Variants in DMXL2 observed in about 807,000 individuals in gnomAD.
DMXL2 encodes Dmx like 2, also known as dmX-like protein 2.
DMXL2 carries 103 observed loss-of-function variants against 331.1 expected under a neutral mutation model. That is an observed-to-expected ratio of 0.31 (90% CI 0.27 to 0.37). The LOEUF is 0.37. Ranked by LOEUF, DMXL2 falls within the 10% of genes least tolerant of loss-of-function variation. The pLI is 1.00. For missense variants in DMXL2, 3,171 were observed against 3,642.9 expected (o/e 0.87, Z 3.33); for synonymous variants, 1,281 against 1,252.1 (o/e 1.02, Z -0.49).
rs774865945 is a variant in DMXL2 at position 51,495,086 on chromosome 15, C to T, written c.4721G>A (p.Arg1574His). 5 of 1,613,060 alleles carry T rather than the reference C, an allele frequency of 3.1e-6. No individual in the cohort carries two copies. The highest frequency in any genetic ancestry group is 2.2e-5 in the East Asian group (1 of 44,862). ...ECGLRYLLAM[R>H]LHTCLLTSLP... ...CGATGTCAAAAGGCATGTGTGTAGG[C>T]GCATAGCTAACAAGTATCTCAAACC... Residue 1574 changes from arginine to histidine, a missense_variant, in exon 19 of 44, where the codon CGC (arginine) becomes CAC (histidine). Transcript: ENST00000560891.
At chr15:51,523,642 A>C (rs1380133136) in intron 13 of DMXL2, among the ~76,000 whole-genome samples, 1 of 151,782 alleles carries the variant, frequency 6.6e-6, no homozygotes, top group Non-Finnish European at 1.5e-5. Flanking sequence ...AGACACTCAG[A>C]TGGACGAAGG....
intron 14 of DMXL2, among the ~76,000 whole-genome samples, chr15:51,516,618 T>G (rs2140669680): frequency 6.6e-6 from 1 of 152,362 alleles, no homozygotes; most frequent in Admixed American, 6.5e-5. Context: ...ACAATTCAAC[T>G]GGAGAAGAAT....
At chr15:51,573,864 G>C (rs2141117341) in intron 2 of DMXL2, among the ~76,000 whole-genome samples, 1 of 151,532 alleles carries the variant, frequency 6.6e-6, no homozygotes, top group South Asian at 2.1e-4. Flanking sequence ...ATATACATAT[G>C]GGAAAAAATC....
rs2039349617 is a variant in DMXL2, at chr15:51,453,542, C to T, written c.8696+8G>A. The T allele has an allele frequency of 3.2e-6, 5 of 1,584,002 alleles. No individual in the cohort carries two copies. Among genetic ancestry groups the T allele is most frequent in the Non-Finnish European group, 4.3e-6 (5 of 1,166,216 alleles). On this transcript the variant is annotated splice_region_variant and intron_variant, in intron 41 of 43. Transcript: ENST00000560891. ...TATATTTCTTACTTTGCTTTTCTGT[C>T]AACCTACCTATTGTCATTGGAGTGT...
At chr15:51,535,620 T>C (rs373999842) in intron 13 of DMXL2, 43 bp downstream of exon 13, 292 of 1,528,648 alleles carry the variant, frequency 1.9e-4, no homozygotes, top group Non-Finnish European at 2.5e-4. Context: ...AAGAGAATTC[T>C]TTATCTCCTT....
Position 51,448,873 on chromosome 15 carries a change from C to T in DMXL2, c.*111G>A, listed in dbSNP as rs550703397. On this transcript the variant is annotated 3_prime_UTR_variant, in exon 44 of 44. Transcript: ENST00000560891. ...ACTCAGCTTGGGTCATATTCAAATT[C>T]TACACAGAGATTCTCTGTTTTCAAT... 9.0e-7 allele frequency: 1 copy of T among 1,113,688 alleles called. No homozygotes were observed. Among genetic ancestry groups the T allele is most frequent in the South Asian group, 1.5e-5 (1 of 67,534 alleles). 69.0% of individuals were successfully genotyped at this position (1,113,688 alleles called of 1,614,324 possible). A position where few individuals can be genotyped will look rare whatever the true frequency, so the allele number is the denominator to read the frequency against.
intron 6 of DMXL2, among the ~76,000 whole-genome samples, chr15:51,550,009 T>C (rs972949915): frequency 2.0e-5 from 3 of 152,096 alleles, no homozygotes; most frequent in Non-Finnish European, 2.9e-5. Flanking sequence ...CTGATGAATA[T>C]AGATGCAAAA....
At chr15:51,558,650 T>G (rs2049755880) in intron 6 of DMXL2, among the ~76,000 whole-genome samples, 2 of 152,230 alleles carry the variant, frequency 1.3e-5, no homozygotes, top group Non-Finnish European at 2.9e-5. Flanking sequence ...CAACTACCTC[T>G]GTGCCAACTA....
At position 51,536,218 on chromosome 15, in the gene DMXL2, TGA is replaced by T; in HGVS notation, c.2260_2261del (p.Ala755ValfsTer3). The T allele has an allele frequency of 6.2e-7, 1 of 1,612,228 alleles. No homozygotes were observed. On this transcript the variant is annotated frameshift_variant, in exon 12 of 44. Coordinates refer to ENST00000560891, the MANE Select transcript of DMXL2 (RefSeq NM_001378457.1). LOFTEE classifies it high-confidence loss of function. ...GAAGCCAAGCCACATTAGAGAACGC[TGA>T]GGTATGTAAAGAGTTAATTCGAGCC... ...ELARINSLHTSAFSNVAWLPT... is the reference protein window; with the variant it reads ...ELARINSLHTXAFSNVAWLPT...
At chr15:51,530,746 G>A (rs563062514) in intron 13 of DMXL2, among the ~76,000 whole-genome samples, 12 of 151,986 alleles carry the variant, frequency 7.9e-5, no homozygotes, top group African/African-American at 2.7e-4. Context: ...CAGAGACTCC[G>A]TCTCAAAAAC....
intron 1 of DMXL2, among the ~76,000 whole-genome samples, chr15:51,591,310 T>A (rs1160293013): frequency 6.6e-6 from 1 of 152,228 alleles, no homozygotes; most frequent in Non-Finnish European, 1.5e-5. Flanking sequence ...CGGAGGGTCC[T>A]ACGCCCACAG....
At chr15:51,570,886 G>A (rs934313858) in intron 2 of DMXL2, among the ~76,000 whole-genome samples, 6 of 152,042 alleles carry the variant, frequency 3.9e-5, no homozygotes, top group East Asian at 1.9e-4. Flanking sequence ...ATTAACAGGC[G>A]AAATAACCAG....
intron 8 of DMXL2, among the ~76,000 whole-genome samples, chr15:51,544,084 A>C (rs1389679012): frequency 6.6e-6 from 1 of 152,078 alleles, no homozygotes; most frequent in Non-Finnish European, 1.5e-5. Context: ...AATTTCACTT[A>C]CATTTTAAAT....
intron 17 of DMXL2, among the ~76,000 whole-genome samples, chr15:51,501,759 A>C (rs1338475722): frequency 1.3e-5 from 2 of 151,176 alleles, no homozygotes; most frequent in Non-Finnish European, 1.5e-5. Context: ...TCTCTACTAA[A>C]AATACAAAAA....
At chr15:51,548,495 T>C (rs1444609021) in intron 6 of DMXL2, among the ~76,000 whole-genome samples, 1 of 152,148 alleles carries the variant, frequency 6.6e-6, no homozygotes, top group East Asian at 1.9e-4. Flanking sequence ...TTCCTCCAAG[T>C]ATCTTCTTCA....
intron 13 of DMXL2, among the ~76,000 whole-genome samples, chr15:51,527,427 G>A (rs2047736370): frequency 6.6e-6 from 1 of 150,874 alleles, no homozygotes; most frequent in African/African-American, 2.4e-5. Context: ...GGACATTAAT[G>A]AGCAATAAGA....
At position 51,499,589 on chromosome 15, in the gene DMXL2, G is replaced by A. The variant is rs138187723; in HGVS notation, c.3635C>T (p.Ala1212Val). 1.5e-5 allele frequency: 24 copies of A among 1,614,086 alleles called. No homozygotes were observed. The Admixed American group carries it at 2.0e-4, about 13-fold the overall frequency. Residue 1212 changes from alanine to valine, a missense_variant, in exon 18 of 44, where the codon GCT becomes GTT. Around this residue, in one of 7 missense-constraint regions of DMXL2, gnomAD observed 1,674 missense variants for 1,780.2 expected, o/e 0.94. Coordinates refer to ENST00000560891, the MANE Select transcript of DMXL2 (RefSeq NM_001378457.1). ...TEQTNSKDGV[A>V]VITLPLGGSI... is the part of the protein sequence containing the mutation. ...ACCACCTAGTGGTAAAGTGATGACA[G>A]CTACTCCATCCTTACTGTTGGTTTG...
chr15:51,507,063 A>C (rs1424007663), intron 16 of DMXL2, 71 bp downstream of exon 16: 2 of 1,244,994 alleles, frequency 1.6e-6, no homozygotes, highest in East Asian at 5.5e-5. Flanking sequence ...TACAGAATTA[A>C]CCAAAGTAAA....
rs2048848535 is a variant in DMXL2 at position 51,545,667 on chromosome 15, C to T, written c.846G>A (p.Gln282=). ...LLPEDCLLGE[Q]ICETTTSSIA... is the part of the protein sequence containing the mutation. ...TGCTGGAAGTGGTAGTCTCACAAAT[C>T]TGCTCACCCAAAAGACAGTCTTCTG... The change falls in exon 8 of 44, where the codon CAG becomes CAA. Residue 282 remains glutamine (Q), a synonymous_variant. Coordinates refer to ENST00000560891, the MANE Select transcript of DMXL2 (RefSeq NM_001378457.1). The T allele has an allele frequency of 6.2e-7, 1 of 1,613,790 alleles. No homozygotes were observed. Among genetic ancestry groups the T allele is most frequent in the Non-Finnish European group, 8.5e-7 (1 of 1,179,778 alleles).
Sources: gnomAD v4.1 joint callset for allele counts (sites outside exome capture counted in the v4.1 genomes callset) on GRCh38, gnomAD v4.1.1 for gene constraint, gnomAD v4.1.1 regional missense constraint, MANE v1.5 for transcripts, NCBI Gene and HGNC (gene_info 2026-07-23, HGNC 2026-07-21) for gene names.